PSD4: variants seen among roughly 807,000 people sequenced by gnomAD.
PSD4 encodes PH and SEC7 domain-containing protein 4.
A neutral mutation model predicts 112.5 loss-of-function variants in PSD4; 59 were observed. That is an observed-to-expected ratio of 0.52 (90% CI 0.43 to 0.65). The LOEUF (loss-of-function observed/expected upper bound fraction) is 0.65, where lower values mean the gene tolerates loss of function less well. Among genes scored for constraint, PSD4 ranks in the 30% least tolerant of loss-of-function variants. The pLI, the probability that PSD4 is intolerant of heterozygous loss-of-function variation, is 0.00. For missense variants in PSD4, 1,267 were observed against 1,352.6 expected (o/e 0.94, Z 0.99); for synonymous variants, 533 against 540.0 (o/e 0.99, Z 0.18).
Position 113,201,531 on chromosome 2 carries a change from C to T in PSD4, c.*116C>T. The T allele has an allele frequency of 7.2e-7, 1 of 1,383,904 alleles. No individual in the cohort carries two copies. Among genetic ancestry groups the T allele is most frequent in the Non-Finnish European group, 9.8e-7 (1 of 1,019,062 alleles). 85.7% of individuals were successfully genotyped at this position (1,383,904 alleles called of 1,614,324 possible). A position where few individuals can be genotyped will look rare whatever the true frequency, so the allele number is the denominator to read the frequency against. ...ATGACGGATGAGGCACCTCCTTTCC[C>T]TGCTGAAGGACAAACCTTGTTTCCC... On this transcript the variant is annotated 3_prime_UTR_variant, in exon 17 of 17. Transcript: ENST00000245796.
At position 113,193,145 on chromosome 2, in the gene PSD4, C is replaced by T; in HGVS notation, c.1919+17C>T. ...AGCCCTCCGGTAATGTCTTTGGGCCCTCTCTGGGGAGGCTGTGGAGGATGG... is the reference window on the plus strand; with the variant it reads ...AGCCCTCCGGTAATGTCTTTGGGCCTTCTCTGGGGAGGCTGTGGAGGATGG... On this transcript the variant is annotated intron_variant, in intron 7 of 16. Transcript: ENST00000245796. 6.2e-7 allele frequency: 1 copy of T among 1,612,202 alleles called. No individual in the cohort carries two copies.
At chr2:113,185,674 GC>G (rs1275604729) in intron 4 of PSD4, 13 of 1,547,834 alleles carry the variant, frequency 8.4e-6, no homozygotes, top group Non-Finnish European at 1.1e-5. Flanking sequence ...AAGGTCCTGA[GC>G]CCTTAGTTGC....
intron 16 of PSD4, among the ~76,000 whole-genome samples, chr2:113,200,726 T>C (rs1688752956): frequency 6.6e-6 from 1 of 152,124 alleles, no homozygotes; most frequent in South Asian, 2.1e-4. Flanking sequence ...CAGTGTTAAG[T>C]AGATGAGGGT....
chr2:113,195,853 G>A (rs1260717192), intron 11 of PSD4, 83 bp downstream of exon 11: 1 of 1,564,926 alleles, frequency 6.4e-7, no homozygotes, highest in South Asian at 1.1e-5. Flanking sequence ...CCACCCGAGA[G>A]TTAGAGAAAC....
chr2:113,197,461 G>A (rs776358172), intron 12 of PSD4, 103 bp from the exon 13 acceptor site: 2 of 1,161,066 alleles, frequency 1.7e-6, no homozygotes, highest in Non-Finnish European at 1.3e-6. Context: ...AGAGACTGGA[G>A]GTGGTGTGAG....
rs1312149319 is a variant in PSD4 at position 113,203,083 on chromosome 2, C to T, written c.*1668C>T. 2.0e-5 allele frequency: 3 copies of T among 152,292 alleles called. No homozygotes were observed. Among genetic ancestry groups the T allele is most frequent in the Admixed American group, 6.5e-5 (1 of 15,286 alleles). 9.4% of individuals were successfully genotyped at this position (152,292 alleles called of 1,614,324 possible). ...ATGCAGGAGTCACACGGTCATAGGC[C>T]ATCAAAGCTGGAGGAGACCTCAGAA... On this transcript the variant is annotated 3_prime_UTR_variant, in exon 17 of 17. Transcript: ENST00000245796.
At chr2:113,197,415 G>C in intron 12 of PSD4, 149 bp from the exon 13 acceptor site, 2 of 790,942 alleles carry the variant, frequency 2.5e-6, no homozygotes, top group Non-Finnish European at 4.4e-6. Flanking sequence ...GTGTTTTCTT[G>C]TGTTGGCATG....
intron 5 of PSD4, among the ~76,000 whole-genome samples, chr2:113,190,432 C>T (rs1225455510): frequency 1.3e-5 from 2 of 152,020 alleles, no homozygotes; most frequent in Non-Finnish European, 2.9e-5. Flanking sequence ...TTCAAAACAG[C>T]TGTTATTATT....
intron 5 of PSD4, among the ~76,000 whole-genome samples, chr2:113,192,074 C>T (rs942013602): frequency 9.9e-5 from 15 of 151,740 alleles, no homozygotes; most frequent in East Asian, 3.9e-4. Flanking sequence ...GAGAAAACAA[C>T]GCTAGGGGCC....
In PSD4 at chr2:113,182,983, A is replaced by C; in HGVS notation, c.527A>C (p.Lys176Thr). The C allele has an allele frequency of 6.2e-7, 1 of 1,614,190 alleles. No individual in the cohort carries two copies. Among genetic ancestry groups the C allele is most frequent in the East Asian group, 2.2e-5 (1 of 44,874 alleles). ...CTAGACCTGGAGGAGGAGCTGGAGA[A>C]GACGGAAGGGCTCAAGGCTGGGCTG... ...CVLDLEEELEKTEGLKAGLKC... is the reference protein window; with the variant it reads ...CVLDLEEELETTEGLKAGLKC... Residue 176 changes from lysine (K) to threonine (T), a missense_variant, in exon 2 of 17, where the codon AAG (lysine) becomes ACG (threonine). By Grantham distance (78) the Lys-to-Thr change is moderately conservative. Coordinates refer to ENST00000245796, the MANE Select transcript of PSD4 (RefSeq NM_012455.3).
At position 113,186,079 on chromosome 2, in the gene PSD4, A is replaced by G. The variant is rs949654732; in HGVS notation, c.1452A>G (p.Thr484=). 6.2e-7 allele frequency: 1 copy of G among 1,614,130 alleles called. No homozygotes were observed. Among genetic ancestry groups the G allele is most frequent in the African/African-American group, 1.3e-5 (1 of 74,948 alleles). The stretch of plus-strand genomic sequence containing the variant: ...GCTCAGGCATTTTGCCCAAGTGGAC[A>G]CTAGATGCTTCACAGTCTTCACTCT... ...HHSSGILPKW[T]LDASQSSLLE... Residue 484 remains threonine (T), a synonymous_variant, in exon 5 of 17, where the codon ACA becomes ACG. Transcript: ENST00000245796.
intron 6 of PSD4, 108 bp downstream of exon 6, chr2:113,192,697 C>A: frequency 1.7e-6 from 2 of 1,147,770 alleles, no homozygotes; most frequent in South Asian, 1.5e-5. Flanking sequence ...CTGCCCTGTT[C>A]CCTTCCCATC....
chr2:113,201,259 A>G lies in PSD4; in HGVS notation c.3015A>G (p.Gly1005=). 9 of 1,614,090 alleles carry G rather than the reference A, an allele frequency of 5.6e-6. No homozygotes were observed. Among genetic ancestry groups the G allele is most frequent in the Non-Finnish European group, 7.6e-6 (9 of 1,180,030 alleles). The change falls in exon 17 of 17, where the codon GGA becomes GGG. Residue 1005 remains glycine (G), a synonymous_variant. Transcript: ENST00000245796. ...AGGAGCAGCTGGGGAGGGAAGCTGGAGGCACTCGGGAGCCCAAGCTCAGCC... is the reference window on the plus strand; with the variant it reads ...AGGAGCAGCTGGGGAGGGAAGCTGGGGGCACTCGGGAGCCCAAGCTCAGCC... The part of the protein sequence containing the change: ...LWEEQLGREA[G]GTREPKLSLK...
At chr2:113,179,810 C>T (rs901561747) in intron 1 of PSD4, among the ~76,000 whole-genome samples, 3 of 152,178 alleles carry the variant, frequency 2.0e-5, no homozygotes, top group African/African-American at 7.2e-5. Flanking sequence ...CTCGGAAAGT[C>T]AGCCTGTTGG....
chr2:113,185,127 A>G, intron 3 of PSD4, 54 bp downstream of exon 3: 1 of 1,612,130 alleles, frequency 6.2e-7, no homozygotes, highest in African/African-American at 1.3e-5. Context: ...GAGGAGGAAT[A>G]TGAGCCCATT....
rs397985506 is a variant in PSD4, at chr2:113,207,454, C to CTTTTTTTTTTTTTTTTTT, written c.*6042_*6059dup. The stretch of plus-strand genomic sequence containing the variant: ...TAACTCTCCTCTCCTCTCTCCTCTT[C>CTTTTTTTTTTTTTTTTTT]TTTTTTTTTTTTTTTTTTTTGAGAT... On this transcript the variant is annotated 3_prime_UTR_variant, in exon 17 of 17. Coordinates refer to ENST00000245796, the MANE Select transcript of PSD4 (RefSeq NM_012455.3). The CTTTTTTTTTTTTTTTTTT allele has an allele frequency of 1.0e-5, 1 of 95,514 alleles. No individual in the cohort carries two copies. Among genetic ancestry groups the CTTTTTTTTTTTTTTTTTT allele is most frequent in the Non-Finnish European group, 1.9e-5 (1 of 51,674 alleles). The allele number at this position is 95,514 out of a possible 1,614,324, so 5.9% of individuals were successfully genotyped here.
chr2:113,196,646 G>A (rs778091925), intron 12 of PSD4: 6 of 208,906 alleles, frequency 2.9e-5, no homozygotes, highest in African/African-American at 1.1e-4. Flanking sequence ...AGGAGAAAAA[G>A]GTTTTTGGTT....
chr2:113,178,194 G>A (rs1688028409), intron 1 of PSD4, among the ~76,000 whole-genome samples: 1 of 152,028 alleles, frequency 6.6e-6, no homozygotes, highest in Admixed American at 6.6e-5. Flanking sequence ...CTCTAGCCTG[G>A]GTGACAGAGC....
At chr2:113,175,341 T>TTCTC (rs35717716) in intron 1 of PSD4, 346 of 148,242 alleles carry the variant, frequency 2.3e-3, no homozygotes, top group African/African-American at 6.4e-3. Context: ...TAGCACTGTC[T>TTCTC]TCTCTCTCTC....
Sources: allele counts gnomAD v4.1 joint callset (sites outside exome capture counted in the v4.1 genomes callset), GRCh38; gene constraint gnomAD v4.1.1; transcripts MANE v1.5; gene names NCBI Gene and HGNC (gene_info 2026-07-23, HGNC 2026-07-21).